SYN3: variants seen among roughly 807,000 people sequenced by gnomAD.
SYN3 encodes synapsin-3.
A neutral mutation model predicts 65.8 loss-of-function variants in SYN3; 35 were observed. That is an observed-to-expected ratio of 0.53 (90% CI 0.41 to 0.70). The LOEUF (loss-of-function observed/expected upper bound fraction) is 0.70. Ranked by LOEUF, SYN3 falls within the 30% of genes least tolerant of loss-of-function variation. The probability of loss-of-function intolerance (pLI) is 0.00; values close to 1 mark genes in which losing one functional copy is unlikely to be tolerated. For synonymous variants in SYN3, 270 were observed against 292.9 expected (o/e 0.92, Z 0.80); for missense variants, 680 against 749.0 (o/e 0.91, Z 1.08).
At chr22:32,923,403 A>C (rs1240624546) in intron 4 of SYN3, among the ~76,000 whole-genome samples, 2 of 152,210 alleles carry the variant, frequency 1.3e-5, no homozygotes, top group Non-Finnish European at 2.9e-5. Flanking sequence ...AAATACCCTC[A>C]CAGACGCAAC....
intron 6 of SYN3, among the ~76,000 whole-genome samples, chr22:32,667,798 C>CTTT (rs759464712): frequency 7.2e-6 from 1 of 139,136 alleles, no homozygotes; most frequent in African/African-American, 2.6e-5. Context: ...TTCTTTCTTT[C>CTTT]TTTTTTTTTT....
chr22:32,670,369 A>G (rs1230901191), intron 6 of SYN3, among the ~76,000 whole-genome samples: 1 of 152,208 alleles, frequency 6.6e-6, no homozygotes, highest in Non-Finnish European at 1.5e-5. Context: ...TTACACTGGT[A>G]TATTTTGGCT....
At chr22:32,545,813 A>T (rs891338790) in intron 7 of SYN3, among the ~76,000 whole-genome samples, 1 of 152,222 alleles carries the variant, frequency 6.6e-6, no homozygotes. Flanking sequence ...CACCCACCTC[A>T]GCCTCCTAAA....
chr22:32,956,451 G>A (rs1027008394), intron 3 of SYN3, among the ~76,000 whole-genome samples: 3 of 152,088 alleles, frequency 2.0e-5, no homozygotes, highest in Non-Finnish European at 2.9e-5. Flanking sequence ...CACCTTACCC[G>A]GCCACCCCTA....
intron 6 of SYN3, among the ~76,000 whole-genome samples, chr22:32,762,668 G>A (rs567896958): frequency 9.2e-5 from 14 of 152,342 alleles, no homozygotes; most frequent in African/African-American, 2.9e-4. Flanking sequence ...AGGTGATATA[G>A]AAGAACAGGT....
chr22:32,599,641 T>G (rs2059253602), intron 6 of SYN3, among the ~76,000 whole-genome samples: 1 of 152,128 alleles, frequency 6.6e-6, no homozygotes. Flanking sequence ...GTGTCTTGAC[T>G]CTCCATCAAG....
chr22:32,611,982 G>C (rs1445656208), intron 6 of SYN3, among the ~76,000 whole-genome samples: 1 of 152,138 alleles, frequency 6.6e-6, no homozygotes, highest in East Asian at 1.9e-4. Context: ...ATGTGATGAG[G>C]CTTCCATAAA....
chr22:32,667,859 G>T (rs1221084707), intron 6 of SYN3, among the ~76,000 whole-genome samples: 10 of 35,606 alleles, frequency 2.8e-4, no homozygotes, highest in Admixed American at 1.8e-3. Context: ...ATGCAGTGGC[G>T]CCATCTCTGC....
Position 32,651,003 on chromosome 22 carries a change from T to G in SYN3, c.712-54267A>C, listed in dbSNP as rs562413676. On this transcript the variant is annotated intron_variant, in intron 6 of 13. Coordinates refer to ENST00000358763, the MANE Select transcript of SYN3 (RefSeq NM_003490.4). ...GAATAGAAGGTCAGTCACTTGAGGG[T>G]CTGGGGTCAGCTGCAGCCAAGTCCT... is the stretch of plus-strand genomic sequence containing the variant. Among the ~76,000 whole-genome samples, 23 of 152,154 alleles carry G rather than the reference T, an allele frequency of 1.5e-4. No individual in the cohort carries two copies. In the South Asian group the frequency reaches 4.8e-3, roughly 32 times the overall value.
chr22:33,037,667 A>T (rs943955814), intron 1 of SYN3, among the ~76,000 whole-genome samples: 2 of 152,146 alleles, frequency 1.3e-5, no homozygotes, highest in African/African-American at 4.8e-5. Context: ...AATTTGCCTA[A>T]GGTAACCCAG....
intron 6 of SYN3, among the ~76,000 whole-genome samples, chr22:32,693,119 T>A (rs2060688418): frequency 6.6e-6 from 1 of 152,202 alleles, no homozygotes; most frequent in Non-Finnish European, 1.5e-5. Flanking sequence ...TACATACATA[T>A]GATGAAGTTT....
intron 9 of SYN3, among the ~76,000 whole-genome samples, chr22:32,536,572 C>T (rs954068507): frequency 3.9e-5 from 6 of 152,218 alleles, no homozygotes; most frequent in Admixed American, 1.3e-4. Flanking sequence ...CCAATCACAG[C>T]GTTGCAGTGT....
At chr22:32,959,110 A>G (rs73162024) in intron 3 of SYN3, among the ~76,000 whole-genome samples, 28,619 of 151,992 alleles carry the variant, frequency 0.19, 3,167 homozygotes, top group Non-Finnish European at 0.25. Flanking sequence ...GTACTCCCAC[A>G]AGTCCCAGTG....
chr22:32,692,901 G>C (rs1446706977), intron 6 of SYN3, among the ~76,000 whole-genome samples: 1 of 152,080 alleles, frequency 6.6e-6, no homozygotes, highest in Non-Finnish European at 1.5e-5. Flanking sequence ...AATCTTTCCA[G>C]CACCATTTCC....
In SYN3 at chr22:32,596,756, G is replaced by C; in HGVS notation, c.712-20C>G. Reference sequence around the variant, plus strand: ...TGTGACCTGAAAGAGACAAGAAGAAGTCACTCTTAACATCTCAGAGCATTG... The same window carrying C: ...TGTGACCTGAAAGAGACAAGAAGAACTCACTCTTAACATCTCAGAGCATTG... On this transcript the variant is annotated intron_variant, in intron 6 of 13. Coordinates refer to ENST00000358763, the MANE Select transcript of SYN3 (RefSeq NM_003490.4). The C allele has an allele frequency of 6.2e-7, 1 of 1,613,472 alleles. No individual in the cohort carries two copies. Among genetic ancestry groups the C allele is most frequent in the Middle Eastern group, 1.7e-4 (1 of 6,060 alleles).
At chr22:32,862,147 G>A (rs2048560826) in intron 6 of SYN3, 1 of 152,418 alleles carries the variant, frequency 6.6e-6, no homozygotes, top group South Asian at 2.1e-4. Flanking sequence ...ACTCGGCCCT[G>A]GGTAGTCTAC....
At position 32,773,747 on chromosome 22, in the gene SYN3, G is replaced by A. The variant is rs571072466; in HGVS notation, c.711+91168C>T. Among the ~76,000 whole-genome samples the A allele has an allele frequency of 1.6e-4, 24 of 152,306 alleles. No individual in the cohort carries two copies. In the East Asian group the frequency reaches 4.6e-3, roughly 29 times the overall value. On this transcript the variant is annotated intron_variant, in intron 6 of 13. Coordinates refer to ENST00000358763, the MANE Select transcript of SYN3 (RefSeq NM_003490.4). ...GTTCATAAGAGGATCATGGTCAAGT[G>A]AGGGAGACAGACACACTGATGCAGT...
intron 7 of SYN3, among the ~76,000 whole-genome samples, chr22:32,565,509 T>A (rs978753984): frequency 1.3e-5 from 2 of 149,428 alleles, no homozygotes; most frequent in African/African-American, 4.9e-5. Flanking sequence ...TACATAAAAA[T>A]ATATATAAAT....
chr22:32,526,675 C>T (rs2057982875), intron 12 of SYN3, among the ~76,000 whole-genome samples: 1 of 152,120 alleles, frequency 6.6e-6, no homozygotes, highest in South Asian at 2.1e-4. Context: ...ACCACCACCA[C>T]ATCTGGCTAG....
Sources: allele counts gnomAD v4.1 joint callset (sites outside exome capture counted in the v4.1 genomes callset), GRCh38; gene constraint gnomAD v4.1.1; transcripts MANE v1.5; gene names NCBI Gene and HGNC (gene_info 2026-07-23, HGNC 2026-07-21).